C8A: variants seen among roughly 807,000 people sequenced by gnomAD.
C8A encodes the protein complement component C8 alpha chain.
Under a neutral mutation model 65.3 loss-of-function variants are expected in C8A, and 67 were observed. The ratio of observed to expected loss-of-function variants is 1.03; its 90% confidence interval spans 0.84 to 1.26. The LOEUF is 1.26. C8A is among the 50% of genes most tolerant of loss of function. The probability of loss-of-function intolerance (pLI) is 0.00; values close to 1 mark genes in which losing one functional copy is unlikely to be tolerated. For synonymous variants in C8A, 290 were observed against 259.4 expected (o/e 1.12, Z -1.13); for missense variants, 781 against 723.9 (o/e 1.08, Z -0.90).
At chr1:56,882,890 A>G (rs1054736527) in intron 5 of C8A, among the ~76,000 whole-genome samples, 25 of 152,182 alleles carry the variant, frequency 1.6e-4, no homozygotes, top group African/African-American at 5.8e-4. Flanking sequence ...CAGGGACTCA[A>G]GGTAATGGAG....
intron 5 of C8A, 103 bp from the exon 6 acceptor site, chr1:56,883,378 C>T: frequency 4.9e-6 from 5 of 1,021,762 alleles, no homozygotes; most frequent in Non-Finnish European, 7.4e-6. Context: ...CTACCATAAT[C>T]TAAAATTTTA....
chr1:56,878,224 C>T (rs2269115), intron 4 of C8A, among the ~76,000 whole-genome samples: 23,827 of 152,052 alleles, frequency 0.16, 2,173 homozygotes, highest in East Asian at 0.35. Flanking sequence ...CTCATTGCAG[C>T]TTAATTACCC....
intron 6 of C8A, among the ~76,000 whole-genome samples, chr1:56,885,361 AATATATATTTATATTTATT>A (rs1644285059): frequency 1.0e-5 from 1 of 99,456 alleles, no homozygotes; most frequent in Non-Finnish European, 1.8e-5. Flanking sequence ...TATTTATGTA[AATATATATTTATATTTATT>A]TAAATATATA....
chr1:56,871,485 T>C (rs892862080), intron 2 of C8A, among the ~76,000 whole-genome samples: 18 of 152,302 alleles, frequency 1.2e-4, no homozygotes, highest in Admixed American at 7.8e-4. Flanking sequence ...ACCAGGCAAA[T>C]TGATGATTTC....
chr1:56,867,662 G>A lies in C8A; in HGVS notation c.131G>A (p.Trp44Ter). 6.2e-7 allele frequency: 1 copy of A among 1,613,906 alleles called. No homozygotes were observed. Among genetic ancestry groups the A allele is most frequent in the Non-Finnish European group, 8.5e-7 (1 of 1,179,892 alleles). Residue 44 changes from tryptophan (W) to a stop codon, truncating the protein, a stop_gained, in exon 2 of 11, where the codon TGG (tryptophan) becomes TAG (stop). Coordinates refer to ENST00000361249, the MANE Select transcript of C8A (RefSeq NM_000562.3). LOFTEE classifies it high-confidence loss of function. Reference sequence around the variant, plus strand: ...GCAGTTACCTGCCAGCTGAGCAACTGGTCAGAGTGGACAGATTGCTTTCCG... The same window carrying A: ...GCAGTTACCTGCCAGCTGAGCAACTAGTCAGAGTGGACAGATTGCTTTCCG... The part of the protein sequence containing the change: ...PAAVTCQLSN[W>*]SEWTDCFPCQ...
At chr1:56,902,351 T>C (rs1644433028) in intron 7 of C8A, among the ~76,000 whole-genome samples, 2 of 151,956 alleles carry the variant, frequency 1.3e-5, no homozygotes, top group Admixed American at 1.3e-4. Context: ...TTTAATCCAG[T>C]TCTACTGGTC....
At chr1:56,907,564 G>T (rs927505540) in intron 8 of C8A, among the ~76,000 whole-genome samples, 7 of 152,062 alleles carry the variant, frequency 4.6e-5, no homozygotes, top group Admixed American at 4.6e-4. Context: ...TGCCCACATT[G>T]AGTCCTATAG....
chr1:56,906,972 G>A (rs1474138434), intron 8 of C8A, among the ~76,000 whole-genome samples, 180 bp downstream of exon 8: 1 of 152,010 alleles, frequency 6.6e-6, no homozygotes, highest in East Asian at 1.9e-4. Flanking sequence ...ATCTACCATG[G>A]GCTTAAAATC....
At chr1:56,903,731 C>T (rs1644443567) in intron 7 of C8A, among the ~76,000 whole-genome samples, 1 of 152,226 alleles carries the variant, frequency 6.6e-6, no homozygotes, top group Admixed American at 6.5e-5. Flanking sequence ...GACCACCATA[C>T]TCAACATCTG....
At chr1:56,893,866 G>C (rs980643364) in intron 7 of C8A, among the ~76,000 whole-genome samples, 1 of 152,126 alleles carries the variant, frequency 6.6e-6, no homozygotes, top group Non-Finnish European at 1.5e-5. Flanking sequence ...CCCTTTATCA[G>C]TCATGTGACC....
intron 7 of C8A, among the ~76,000 whole-genome samples, chr1:56,899,336 A>G (rs916664512): frequency 6.6e-6 from 1 of 152,172 alleles, no homozygotes; most frequent in Non-Finnish European, 1.5e-5. Context: ...GCGGTATAAT[A>G]TGGCATACAG....
Position 56,886,178 on chromosome 1 carries a change from C to G in C8A, c.1096+11C>G, listed in dbSNP as rs755883272. On this transcript the variant is annotated intron_variant, in intron 7 of 10. Coordinates refer to ENST00000361249, the MANE Select transcript of C8A (RefSeq NM_000562.3). ...AAATGGAATCCCTTGGTAAGTAAAG[C>G]AGAAGCTCTATGTACACAGTAGTCA... 2 of 1,613,514 alleles carry G rather than the reference C, an allele frequency of 1.2e-6. No individual in the cohort carries two copies. The highest frequency in any genetic ancestry group is 2.7e-5 in the African/African-American group (2 of 74,912).
At chr1:56,906,830 C>A (rs1308579722) in intron 8 of C8A, 38 bp downstream of exon 8, 2 of 1,613,610 alleles carry the variant, frequency 1.2e-6, no homozygotes, top group Admixed American at 3.3e-5. Flanking sequence ...AAAGAGAAGC[C>A]AGGCTTTCCT....
chr1:56,878,218 T>C (rs988701231), intron 4 of C8A, among the ~76,000 whole-genome samples: 8 of 152,116 alleles, frequency 5.3e-5, no homozygotes, highest in South Asian at 2.1e-4. Flanking sequence ...AATGACCTCA[T>C]TGCAGCTTAA....
chr1:56,861,223 C>T (rs1001295943), intron 1 of C8A, among the ~76,000 whole-genome samples: 3 of 152,092 alleles, frequency 2.0e-5, no homozygotes, highest in Non-Finnish European at 4.4e-5. Context: ...GCTCTCAGCT[C>T]TCATGAAGCT....
chr1:56,864,779 A>C (rs760834410), intron 1 of C8A, among the ~76,000 whole-genome samples: 1 of 152,180 alleles, frequency 6.6e-6, no homozygotes, highest in Non-Finnish European at 1.5e-5. Flanking sequence ...ACCATGTTAC[A>C]AATTAGAGTT....
intron 6 of C8A, 65 bp from the exon 7 acceptor site, chr1:56,885,862 A>G: frequency 1.9e-6 from 3 of 1,610,140 alleles, no homozygotes; most frequent in Non-Finnish European, 2.5e-6. Flanking sequence ...CTTTTGCATT[A>G]TTTCTAATGG....
intron 3 of C8A, among the ~76,000 whole-genome samples, 167 bp downstream of exon 3, chr1:56,875,260 C>A (rs529860722): frequency 1.1e-4 from 17 of 152,284 alleles, no homozygotes; most frequent in Non-Finnish European, 2.1e-4. Flanking sequence ...GCCAAGCCAG[C>A]AGCCCAAGTA....
intron 2 of C8A, among the ~76,000 whole-genome samples, chr1:56,873,388 G>T (rs1355332644): frequency 6.6e-6 from 1 of 152,142 alleles, no homozygotes; most frequent in African/African-American, 2.4e-5. Flanking sequence ...TCACACACTG[G>T]AAGACAGAAG....
Sources: allele counts gnomAD v4.1 joint callset (sites outside exome capture counted in the v4.1 genomes callset), GRCh38; gene constraint gnomAD v4.1.1; transcripts MANE v1.5; gene names NCBI Gene and HGNC (gene_info 2026-07-23, HGNC 2026-07-21).